Variants in DYDC2 observed in about 807,000 individuals in gnomAD.
DYDC2 encodes the protein DPY30 domain containing 2.
A neutral mutation model predicts 18.7 loss-of-function variants in DYDC2; 19 were observed. The observed-to-expected ratio is 1.02, with a 90% confidence interval of 0.71 to 1.49. The LOEUF (loss-of-function observed/expected upper bound fraction) is 1.49. DYDC2 is among the 40% of genes most tolerant of loss of function. The pLI is 0.00. For synonymous variants in DYDC2, 63 were observed against 67.6 expected, an observed-to-expected ratio of 0.93 and a Z score of 0.34; for missense variants, 179 against 205.1, an observed-to-expected ratio of 0.87 and a Z score of 0.78.
chr10:80,358,042 A>T lies in DYDC2; in HGVS notation c.-13A>T. Reference sequence around the variant, plus strand: ...ACACTGAAAAATAGCCTCTCCCCCCATTGGTGAGTGTACCCTAAGTTGGTC... The same window carrying T: ...ACACTGAAAAATAGCCTCTCCCCCCTTTGGTGAGTGTACCCTAAGTTGGTC... On this transcript the variant is annotated 5_prime_UTR_variant, in exon 2 of 5. Coordinates refer to ENST00000256039, the MANE Select transcript of DYDC2 (RefSeq NM_032372.6). The T allele has an allele frequency of 1.0e-6, 1 of 985,464 alleles. No individual in the cohort carries two copies. The highest frequency in any genetic ancestry group is 1.2e-6 in the Non-Finnish European group (1 of 830,044). The allele number at this position is 985,464 out of a possible 1,614,324, so 61.0% of individuals were successfully genotyped here. A position where few individuals can be genotyped will look rare whatever the true frequency, so the allele number is the denominator to read the frequency against.
At chr10:80,366,596 G>A (rs1843844051) in intron 4 of DYDC2, 92 bp from the exon 5 acceptor site, 1 of 1,441,394 alleles carries the variant, frequency 6.9e-7, no homozygotes, top group South Asian at 1.4e-5. Context: ...CTTAGTCTCT[G>A]GCATGAAAAT....
At position 80,367,185 on chromosome 10, in the gene DYDC2, T is replaced by G. The variant is rs1198894581; in HGVS notation, c.*234T>G. On this transcript the variant is annotated 3_prime_UTR_variant, in exon 5 of 5. Coordinates refer to ENST00000256039, the MANE Select transcript of DYDC2 (RefSeq NM_032372.6). ...AAGTGGCTGTGACTTTTTCCTCTTG[T>G]TTTATCAACGTTTTGGAGACTACAC... 1 of 478,404 alleles carries G rather than the reference T, an allele frequency of 2.1e-6. No homozygotes were observed. The highest frequency in any genetic ancestry group is 3.6e-6 in the Non-Finnish European group (1 of 279,936). 29.6% of individuals were successfully genotyped at this position (478,404 alleles called of 1,614,324 possible).
chr10:80,358,908 C>G (rs1843565201), intron 2 of DYDC2, among the ~76,000 whole-genome samples: 2 of 152,170 alleles, frequency 1.3e-5, no homozygotes, highest in African/African-American at 4.8e-5. Context: ...TGGTGGGTTG[C>G]TGGTCTCCCT....
At chr10:80,362,626 C>G in intron 3 of DYDC2, 36 bp downstream of exon 3, 3 of 1,563,052 alleles carry the variant, frequency 1.9e-6, no homozygotes, top group Non-Finnish European at 2.6e-6. Context: ...GAGGGCCCAG[C>G]TTTCCCAGAG....
chr10:80,363,378 T>G (rs1318717481), intron 4 of DYDC2, among the ~76,000 whole-genome samples: 4 of 141,844 alleles, frequency 2.8e-5, no homozygotes, highest in Admixed American at 2.2e-4. Flanking sequence ...GGAGTCTCGC[T>G]CTGTTGCCCA....
upstream of DYDC2, chr10:80,356,721 C>T (rs898512016): frequency 1.8e-5 from 18 of 984,996 alleles, no homozygotes; most frequent in Admixed American, 3.1e-4. Flanking sequence ...CCCCTACACA[C>T]GCGCCTGCTC....
intron 1 of DYDC2, among the ~76,000 whole-genome samples, chr10:80,351,468 C>A (rs1842967887): frequency 6.6e-6 from 1 of 151,490 alleles, no homozygotes; most frequent in Non-Finnish European, 1.5e-5. Context: ...TTTTCCACCT[C>A]CCCTGCCTAA....
rs1589527770 is a variant in DYDC2, at chr10:80,356,792, T to A, written c.-196T>A. The A allele has an allele frequency of 5.1e-6, 5 of 985,514 alleles. No homozygotes were observed. The East Asian group carries it at 4.6e-4, about 90-fold the overall frequency. The allele number at this position is 985,514 out of a possible 1,614,324, so 61.0% of individuals were successfully genotyped here. On this transcript the variant is annotated 5_prime_UTR_variant, in exon 1 of 5. Transcript: ENST00000256039. ...AGAGCTCGCGCCTCAGGAGCCAGTG[T>A]AGGCGCCGCAAAGCGGAAGGGGCGC...
chr10:80,353,423 A>T (rs1388589411), upstream of DYDC2, among the ~76,000 whole-genome samples: 1 of 149,272 alleles, frequency 6.7e-6, no homozygotes, highest in African/African-American at 2.5e-5. Context: ...CGGCCTCCCA[A>T]AGTGCTGGGA....
intron 2 of DYDC2, among the ~76,000 whole-genome samples, chr10:80,360,397 C>T (rs1188888702): frequency 6.6e-6 from 1 of 152,188 alleles, no homozygotes; most frequent in Non-Finnish European, 1.5e-5. Context: ...TTGGCTCTGT[C>T]ATCACCTTCC....
At chr10:80,345,992 C>T (rs1431646394) in intron 1 of DYDC2, among the ~76,000 whole-genome samples, 1 of 152,100 alleles carries the variant, frequency 6.6e-6, no homozygotes, top group African/African-American at 2.4e-5. Context: ...CAGGTGCATG[C>T]CATCATCATC....
intron 4 of DYDC2, among the ~76,000 whole-genome samples, chr10:80,366,452 A>G (rs1422815805): frequency 6.6e-6 from 1 of 152,024 alleles, no homozygotes; most frequent in Non-Finnish European, 1.5e-5. Context: ...TTTTATAGGG[A>G]GTCTAGATTG....
At chr10:80,359,215 T>A (rs1368224932) in intron 2 of DYDC2, among the ~76,000 whole-genome samples, 1 of 152,192 alleles carries the variant, frequency 6.6e-6, no homozygotes, top group Non-Finnish European at 1.5e-5. Context: ...TTTACAATCC[T>A]TGAGCTAGAC....
At chr10:80,355,061 T>C (rs1843276270), upstream of DYDC2, among the ~76,000 whole-genome samples, 1 of 151,406 alleles carries the variant, frequency 6.6e-6, no homozygotes, top group South Asian at 2.1e-4. Flanking sequence ...AAAAGCTTCT[T>C]TGGGGGTGAC....
upstream of DYDC2, chr10:80,356,287 T>C: frequency 1.0e-6 from 1 of 985,614 alleles, no homozygotes; most frequent in Non-Finnish European, 1.2e-6. Flanking sequence ...AAGAAAGCCC[T>C]TTCCCACAGA....
At chr10:80,358,988 G>A (rs181129442) in intron 2 of DYDC2, among the ~76,000 whole-genome samples, 108 of 152,324 alleles carry the variant, frequency 7.1e-4, no homozygotes, top group African/African-American at 1.2e-3. Context: ...CCCAAACAAT[G>A]AGCAGCAGCA....
chr10:80,351,469 C>T (rs1842968126), intron 1 of DYDC2, among the ~76,000 whole-genome samples: 1 of 152,148 alleles, frequency 6.6e-6, no homozygotes, highest in Admixed American at 6.5e-5. Flanking sequence ...TTTCCACCTC[C>T]CCTGCCTAAG....
Position 80,367,097 on chromosome 10 carries a change from G to A in DYDC2, c.*146G>A. The A allele has an allele frequency of 1.0e-6, 1 of 955,058 alleles. No homozygotes were observed. Among genetic ancestry groups the A allele is most frequent in the East Asian group, 2.5e-5 (1 of 40,014 alleles). 59.2% of individuals were successfully genotyped at this position (955,058 alleles called of 1,614,324 possible). A position where few individuals can be genotyped will look rare whatever the true frequency, so the allele number is the denominator to read the frequency against. On this transcript the variant is annotated 3_prime_UTR_variant, in exon 5 of 5. Coordinates refer to ENST00000256039, the MANE Select transcript of DYDC2 (RefSeq NM_032372.6). ...CCTTTTCTGAAAAACCCTTAATCAT[G>A]TGAACATTTGAACTAGTTATAGGAT...
At position 80,362,567 on chromosome 10, in the gene DYDC2, A is replaced by T; in HGVS notation, c.124A>T (p.Lys42Ter). 1 of 1,611,902 alleles carries T rather than the reference A, an allele frequency of 6.2e-7. No homozygotes were observed. Among genetic ancestry groups the T allele is most frequent in the Non-Finnish European group, 8.5e-7 (1 of 1,178,396 alleles). Reference protein sequence around the residue: ...YLAHWLYHYRKTAKAKEENRE... With the variant: ...YLAHWLYHYR ...GGCTCACTGGCTTTATCATTACAGG[A>T]AAACAGCAAAAGCAAAAGAAGAGGT... Residue 42 changes from lysine to a stop codon, truncating the protein, a stop_gained, in exon 3 of 5, where the codon AAA becomes TAA. Transcript: ENST00000256039. LOFTEE classifies it high-confidence loss of function.
Sources: allele counts gnomAD v4.1 joint callset (sites outside exome capture counted in the v4.1 genomes callset), GRCh38; gene constraint gnomAD v4.1.1; transcripts MANE v1.5; gene names NCBI Gene and HGNC (gene_info 2026-07-23, HGNC 2026-07-21).